RIT2: variants seen among roughly 807,000 people sequenced by gnomAD.
RIT2 encodes GTP-binding protein Rit2.
Under a neutral mutation model 23.7 loss-of-function variants are expected in RIT2, and 24 were observed. That is an observed-to-expected ratio of 1.01 (90% confidence interval 0.73 to 1.43). RIT2 has a LOEUF of 1.43. RIT2 is among the 40% of genes most tolerant of loss of function. The pLI, the probability that RIT2 is intolerant of heterozygous loss-of-function variation, is 0.00. For synonymous variants in RIT2, 107 were observed against 91.1 expected (o/e 1.17, Z -0.99); for missense variants, 236 against 266.9 (o/e 0.88, Z 0.81).
At chr18:43,018,965 G>GA (rs971197546) in intron 2 of RIT2, among the ~76,000 whole-genome samples, 1 of 151,110 alleles carries the variant, frequency 6.6e-6, no homozygotes, top group Admixed American at 6.6e-5. Flanking sequence ...AAGAATGAAA[G>GA]AAAAAAATCA....
At chr18:42,908,276 A>G (rs1908676734) in intron 4 of RIT2, among the ~76,000 whole-genome samples, 1 of 152,006 alleles carries the variant, frequency 6.6e-6, no homozygotes, top group Non-Finnish European at 1.5e-5. Flanking sequence ...AAAAGAAAAA[A>G]TAAATAGAGA....
intron 4 of RIT2, among the ~76,000 whole-genome samples, chr18:42,765,312 T>C (rs1240917836): frequency 1.3e-5 from 2 of 152,184 alleles, no homozygotes; most frequent in African/African-American, 4.8e-5. Context: ...TTAAGAACAA[T>C]AAACTTTAAC....
intron 4 of RIT2, among the ~76,000 whole-genome samples, chr18:42,905,122 G>A (rs1342354728): frequency 6.6e-6 from 1 of 152,110 alleles, no homozygotes; most frequent in Non-Finnish European, 1.5e-5. Context: ...ACTTGTATTT[G>A]AGGAGATGTG....
chr18:42,849,457 C>A (rs1906991623), intron 4 of RIT2, among the ~76,000 whole-genome samples: 1 of 152,040 alleles, frequency 6.6e-6, no homozygotes. Flanking sequence ...TCTCGGTTTT[C>A]TCGTGGGTAA....
chr18:42,939,077 C>T (rs1035861542), intron 3 of RIT2, among the ~76,000 whole-genome samples: 1 of 152,068 alleles, frequency 6.6e-6, no homozygotes, highest in Non-Finnish European at 1.5e-5. Context: ...GCTTAAAAGA[C>T]ATTAAACAAA....
chr18:42,975,196 T>C (rs762015392), intron 2 of RIT2, among the ~76,000 whole-genome samples: 2 of 152,108 alleles, frequency 1.3e-5, no homozygotes, highest in Non-Finnish European at 2.9e-5. Flanking sequence ...TTTATTTGTA[T>C]TTCTCTACTG....
At position 42,836,868 on chromosome 18, in the gene RIT2, T is replaced by C. The variant is rs1479790051; in HGVS notation, c.426+86704A>G. Reference sequence around the variant, plus strand: ...AGAATTTAATCAAACCTTTCCCCAATACAAAGACTCTCGAGAATACTGCTC... The same window carrying C: ...AGAATTTAATCAAACCTTTCCCCAACACAAAGACTCTCGAGAATACTGCTC... On this transcript the variant is annotated intron_variant, in intron 4 of 4. Transcript: ENST00000326695. Among the ~76,000 whole-genome samples the C allele has an allele frequency of 3.3e-5, 5 of 152,124 alleles. No individual in the cohort carries two copies. The East Asian group carries it at 9.7e-4, about 29-fold the overall frequency.
chr18:43,088,139 C>T (rs1218387481), intron 1 of RIT2, among the ~76,000 whole-genome samples: 1 of 152,102 alleles, frequency 6.6e-6, no homozygotes, highest in Non-Finnish European at 1.5e-5. Context: ...TTACTCCCTA[C>T]ACCATTTTTA....
At chr18:42,824,216 C>A (rs907957677) in intron 4 of RIT2, among the ~76,000 whole-genome samples, 1 of 152,050 alleles carries the variant, frequency 6.6e-6, no homozygotes, top group Non-Finnish European at 1.5e-5. Flanking sequence ...ATGTTATACA[C>A]TGAAAGAAGT....
intron 4 of RIT2, among the ~76,000 whole-genome samples, chr18:42,870,540 A>G (rs932744301): frequency 6.6e-6 from 1 of 152,178 alleles, no homozygotes; most frequent in South Asian, 2.1e-4. Flanking sequence ...CTTTTCTAGG[A>G]TTGAATTTTG....
chr18:42,818,419 G>T (rs193234522), intron 4 of RIT2, among the ~76,000 whole-genome samples: 1 of 152,018 alleles, frequency 6.6e-6, no homozygotes, highest in Non-Finnish European at 1.5e-5. Context: ...CACACATAAA[G>T]CAATTAGAAC....
chr18:42,872,463 T>C (rs1049333543), intron 4 of RIT2, among the ~76,000 whole-genome samples: 7 of 152,318 alleles, frequency 4.6e-5, no homozygotes, highest in African/African-American at 1.4e-4. Context: ...GTCCTCTCAT[T>C]GCCTGGATTT....
chr18:42,853,694 G>T lies in RIT2; in HGVS notation c.426+69878C>A, dbSNP rs559224274. Among the ~76,000 whole-genome samples, 8 of 152,198 alleles carry T rather than the reference G, an allele frequency of 5.3e-5. No individual in the cohort carries two copies. The South Asian group carries it at 1.2e-3, about 24-fold the overall frequency. On this transcript the variant is annotated intron_variant, in intron 4 of 4. Coordinates refer to ENST00000326695, the MANE Select transcript of RIT2 (RefSeq NM_002930.4). ...TCTGAGGATTTGCCCTTTTAGATCT[G>T]TATCTCTCATTCAGTCTAGTAAAGT...
chr18:43,094,029 T>C (rs2144363950), intron 1 of RIT2, among the ~76,000 whole-genome samples: 1 of 151,182 alleles, frequency 6.6e-6, no homozygotes, highest in East Asian at 2.0e-4. Context: ...TTCAATAATC[T>C]AGAAAAATTA....
At chr18:43,043,682 C>T (rs987817899) in intron 1 of RIT2, among the ~76,000 whole-genome samples, 4 of 151,942 alleles carry the variant, frequency 2.6e-5, no homozygotes, top group Non-Finnish European at 2.9e-5. Flanking sequence ...CCCAGCTACT[C>T]GGGAAGCTGA....
chr18:43,003,243 T>C (rs889901579), intron 2 of RIT2, among the ~76,000 whole-genome samples: 1 of 75,382 alleles, frequency 1.3e-5, no homozygotes, highest in Non-Finnish European at 3.8e-5. Context: ...TAATAAAACA[T>C]CCAAGCACAA....
chr18:43,084,462 G>A (rs1348984509), intron 1 of RIT2, among the ~76,000 whole-genome samples: 1 of 152,110 alleles, frequency 6.6e-6, no homozygotes, highest in Non-Finnish European at 1.5e-5. Context: ...ACTATTTACA[G>A]TAGCAATGAC....
chr18:42,746,105 G>C (rs981447723), intron 4 of RIT2, among the ~76,000 whole-genome samples: 3 of 152,040 alleles, frequency 2.0e-5, no homozygotes, highest in African/African-American at 7.2e-5. Context: ...CTCAGGCTAA[G>C]AGAGCCCTTC....
intron 2 of RIT2, among the ~76,000 whole-genome samples, chr18:42,994,612 A>G (rs1910934384): frequency 6.6e-6 from 1 of 152,036 alleles, no homozygotes; most frequent in African/African-American, 2.4e-5. Flanking sequence ...CCTTTTCATT[A>G]CACACAGCCG....
Sources: gnomAD v4.1 joint callset for allele counts (sites outside exome capture counted in the v4.1 genomes callset) on GRCh38, gnomAD v4.1.1 for gene constraint, MANE v1.5 for transcripts, NCBI Gene and HGNC (gene_info 2026-07-23, HGNC 2026-07-21) for gene names.